The following NID2 variants were observed in gnomAD, a reference collection of about 807,000 sequenced individuals.
NID2 encodes the protein nidogen 2.
In NID2, 83 loss-of-function variants were observed where a neutral mutation model predicts 145.4. The observed-to-expected ratio is 0.57, with a 90% CI of 0.48 to 0.69. The LOEUF (loss-of-function observed/expected upper bound fraction) is 0.69, where lower values mean the gene tolerates loss of function less well. NID2 is among the 30% of genes least tolerant of loss of function. NID2 has a pLI of 0.00. For synonymous variants in NID2, 739 were observed against 701.3 expected, an observed-to-expected ratio of 1.05 and a Z score of -0.85; for missense variants, 1,807 against 1,765.7, an observed-to-expected ratio of 1.02 and a Z score of -0.42.
rs748793559 is a variant in NID2, at chr14:52,027,270, G to A, written c.2605C>T (p.His869Tyr). Reference protein sequence around the residue: ...CAPAGQARCVHHGGSTFSCAC... With the variant: ...CAPAGQARCVYHGGSTFSCAC... Reference sequence around the variant, plus strand: ...CAGCTGAACGTGCTGCCTCCATGGTGAACACACCGGGCCTGCCCAGCAGGA... The same window carrying A: ...CAGCTGAACGTGCTGCCTCCATGGTAAACACACCGGGCCTGCCCAGCAGGA... The change falls in exon 12 of 22, where the codon CAC becomes TAC. Residue 869 changes from histidine to tyrosine, a missense_variant. Transcript: ENST00000216286. 7.1e-5 allele frequency: 113 copies of A among 1,598,088 alleles called. No individual in the cohort carries two copies. The highest frequency in any genetic ancestry group is 9.3e-5 in the Non-Finnish European group (109 of 1,173,104).
chr14:52,014,555 T>A (rs928644858), intron 15 of NID2, 99 bp from the exon 16 acceptor site: 4 of 1,253,254 alleles, frequency 3.2e-6, no homozygotes, highest in East Asian at 5.1e-5. Flanking sequence ...TCCAAAAATA[T>A]CAAAAGTTCT....
In NID2 at chr14:52,022,972, T is replaced by C. The variant is rs924736085; in HGVS notation, c.2675-2794A>G. 6.6e-5 allele frequency among the ~76,000 whole-genome samples: 10 copies of C among 152,308 alleles called. No individual in the cohort carries two copies. In the South Asian group the frequency reaches 8.3e-4, roughly 13 times the overall value. ...TCTCTCTACTGCACAATCTGTTCAA[T>C]TGGGCACCCTGCTGATTGTACCCCT... On this transcript the variant is annotated intron_variant, in intron 12 of 21. Coordinates refer to ENST00000216286, the MANE Select transcript of NID2 (RefSeq NM_007361.4).
chr14:52,068,170 G>A lies in NID2; in HGVS notation c.229-7C>T. ...TGATGCCGTTGGTGCCCACCTGGGA[G>A]AGGAGAGGGACAAAAAGGTGACAGT... On this transcript the variant is annotated splice_region_variant and splice_polypyrimidine_tract_variant and intron_variant, in intron 1 of 21. Transcript: ENST00000216286. 6.2e-7 allele frequency: 1 copy of A among 1,612,372 alleles called. No individual in the cohort carries two copies. Among genetic ancestry groups the A allele is most frequent in the Non-Finnish European group, 8.5e-7 (1 of 1,179,532 alleles).
chr14:52,040,171 C>T (rs987678444), intron 8 of NID2, among the ~76,000 whole-genome samples: 1 of 151,814 alleles, frequency 6.6e-6, no homozygotes, highest in African/African-American at 2.4e-5. Context: ...GAACTCCTGA[C>T]CTCAGGTGAT....
chr14:52,021,649 C>G (rs1891404144), intron 12 of NID2, among the ~76,000 whole-genome samples: 1 of 152,186 alleles, frequency 6.6e-6, no homozygotes, highest in Admixed American at 6.5e-5. Context: ...GAGTCCTCCC[C>G]CAAAAATTCT....
chr14:52,059,407 G>A (rs1376310228), intron 3 of NID2, among the ~76,000 whole-genome samples: 1 of 152,130 alleles, frequency 6.6e-6, no homozygotes, highest in African/African-American at 2.4e-5. Context: ...TCTATATTCA[G>A]GAAACGAATA....
intron 8 of NID2, among the ~76,000 whole-genome samples, chr14:52,040,009 C>G (rs886288403): frequency 1.5e-4 from 23 of 152,182 alleles, no homozygotes; most frequent in African/African-American, 5.3e-4. Flanking sequence ...GGCACAATCT[C>G]GGCTCACTGC....
intron 11 of NID2, 150 bp downstream of exon 11, chr14:52,028,572 C>G: frequency 1.2e-6 from 1 of 865,336 alleles, no homozygotes; most frequent in Non-Finnish European, 1.7e-6. Flanking sequence ...CCACATCCAG[C>G]CAGCTTTGGG....
At chr14:52,062,038 G>A (rs536815606) in intron 2 of NID2, among the ~76,000 whole-genome samples, 3 of 152,268 alleles carry the variant, frequency 2.0e-5, no homozygotes, top group African/African-American at 7.2e-5. Context: ...TTTCACTGAA[G>A]GAAACAGCAA....
At chr14:52,008,002 C>T in intron 18 of NID2, 35 bp from the exon 19 acceptor site, 1 of 1,573,008 alleles carries the variant, frequency 6.4e-7, no homozygotes, top group Non-Finnish European at 8.6e-7. Flanking sequence ...AAAAGAATAG[C>T]CATGTAGCCT....
At position 52,067,984 on chromosome 14, in the gene NID2, G is replaced by A. The variant is rs367929480; in HGVS notation, c.408C>T (p.Ala136=). 6 of 1,611,100 alleles carry A rather than the reference G, an allele frequency of 3.7e-6. No homozygotes were observed. The African/African-American group carries it at 6.7e-5, about 18-fold the overall frequency. The change falls in exon 2 of 22, where the codon GCC becomes GCT. Residue 136 remains alanine, a synonymous_variant. Transcript: ENST00000216286. ...EDTSPAVLGL[A]ARYVRAGFPR... ...GGAAGCCAGCGCGCACATAGCGGGC[G>A]GCCAGGCCCAGCACTGCGGGGGAGG...
chr14:52,033,278 G>T (rs887784475), intron 9 of NID2, among the ~76,000 whole-genome samples: 1 of 152,028 alleles, frequency 6.6e-6, no homozygotes. Flanking sequence ...TAAAGGAACA[G>T]TCCCTTCAGC....
At position 52,054,104 on chromosome 14, in the gene NID2, G is replaced by A. The variant is rs1336022663; in HGVS notation, c.985C>T (p.Pro329Ser). Residue 329 changes from proline to serine, a missense_variant, in exon 4 of 22, where the codon CCG becomes TCG. Pro to Ser is a moderately conservative substitution (Grantham distance 74). Coordinates refer to ENST00000216286, the MANE Select transcript of NID2 (RefSeq NM_007361.4). ...DVNEEEAEYLPGEPEEALNGH... is the reference protein window; with the variant it reads ...DVNEEEAEYLSGEPEEALNGH... ...TTCAATGCCTCCTCTGGTTCACCCG[G>A]AAGGTATTCAGCTTCCTCCTCATTC... 6.2e-7 allele frequency: 1 copy of A among 1,614,154 alleles called. No homozygotes were observed. Among genetic ancestry groups the A allele is most frequent in the Non-Finnish European group, 8.5e-7 (1 of 1,180,022 alleles).
chr14:52,042,010 C>T (rs1049530186), intron 7 of NID2, 95 bp downstream of exon 7: 11 of 1,434,240 alleles, frequency 7.7e-6, no homozygotes, highest in East Asian at 2.3e-5. Flanking sequence ...ACAAGTGATT[C>T]CTCTGTCACT....
chr14:52,016,092 T>A (rs541430754), intron 14 of NID2, among the ~76,000 whole-genome samples: 16 of 152,184 alleles, frequency 1.1e-4, no homozygotes, highest in Non-Finnish European at 2.1e-4. Context: ...CCCTCACAGC[T>A]CACTCCATGG....
Position 52,058,916 on chromosome 14 carries a change from G to T in NID2, c.767+1208C>A, listed in dbSNP as rs28439957. On this transcript the variant is annotated intron_variant, in intron 3 of 21. Coordinates refer to ENST00000216286, the MANE Select transcript of NID2 (RefSeq NM_007361.4). ...GGAGGGAGAGTAAGGAACTGAGTTT[G>T]CTCCAGAGTCCAGACTAAGCGGCAG... Among the ~76,000 whole-genome samples the T allele has an allele frequency of 5.5e-3, 831 of 151,940 alleles. 9 individuals carry two copies. The highest frequency in any genetic ancestry group is 0.019 in the African/African-American group (799 of 41,406).
chr14:52,048,798 GGA>G (rs1309585190), intron 5 of NID2, among the ~76,000 whole-genome samples: 1 of 151,632 alleles, frequency 6.6e-6, no homozygotes, highest in Admixed American at 6.6e-5. Context: ...CTCGGGAGAA[GGA>G]GACATTTGGG....
intron 16 of NID2, among the ~76,000 whole-genome samples, chr14:52,012,517 G>C (rs1296192126): frequency 6.6e-6 from 1 of 152,128 alleles, no homozygotes; most frequent in Non-Finnish European, 1.5e-5. Context: ...AGGATCGCTT[G>C]AGCCCAGGAA....
intron 5 of NID2, among the ~76,000 whole-genome samples, chr14:52,050,147 T>C (rs1293858782): frequency 6.6e-6 from 1 of 152,206 alleles, no homozygotes; most frequent in Non-Finnish European, 1.5e-5. Context: ...TAGCACTGCC[T>C]CAGCAGGCTT....
Sources: allele counts gnomAD v4.1 joint callset (sites outside exome capture counted in the v4.1 genomes callset), GRCh38; gene constraint gnomAD v4.1.1; transcripts MANE v1.5; gene names NCBI Gene and HGNC (gene_info 2026-07-23, HGNC 2026-07-21).